Variants in PLEKHD1 observed in about 807,000 individuals in gnomAD.
PLEKHD1 encodes the protein pleckstrin homology and coiled-coil domain containing D1, also known as pleckstrin homology domain-containing family D member 1.
In PLEKHD1, 51 loss-of-function variants were observed where a neutral mutation model predicts 69.2. The observed-to-expected ratio is 0.74, with a 90% confidence interval of 0.59 to 0.93. PLEKHD1 has a LOEUF of 0.93. Among genes scored for constraint, PLEKHD1 ranks in the 40% least tolerant of loss-of-function variants. The pLI is 0.00. For synonymous variants in PLEKHD1, 236 were observed against 244.7 expected (o/e 0.96, Z 0.33); for missense variants, 584 against 641.0 (o/e 0.91, Z 0.96).
At chr14:69,477,480 G>T in the PLEKHD1 span, among the ~76,000 whole-genome samples, 1 of 152,076 alleles carries the variant, frequency 6.6e-6, no homozygotes, top group Admixed American at 6.5e-5. Flanking sequence ...ACTCATTTCC[G>T]CATTAACTCA....
chr14:69,471,425 A>C, the PLEKHD1 span, among the ~76,000 whole-genome samples: 1 of 151,958 alleles, frequency 6.6e-6, no homozygotes, highest in Non-Finnish European at 1.5e-5. Flanking sequence ...CCCACTTTCA[A>C]ATGTGGAAAC....
chr14:69,493,650 A>G (rs1882824745), intron 1 of PLEKHD1, among the ~76,000 whole-genome samples: 1 of 152,202 alleles, frequency 6.6e-6, no homozygotes, highest in Non-Finnish European at 1.5e-5. Context: ...TCTGCCAGAA[A>G]CACCTTACCT....
the PLEKHD1 span, among the ~76,000 whole-genome samples, chr14:69,468,331 T>C: frequency 1.3e-5 from 2 of 152,226 alleles, no homozygotes; most frequent in South Asian, 4.1e-4. Context: ...TTTACCAGAC[T>C]GCATGTGGCA....
At chr14:69,504,804 T>G (rs1247720634) in intron 6 of PLEKHD1, among the ~76,000 whole-genome samples, 1 of 152,250 alleles carries the variant, frequency 6.6e-6, no homozygotes, top group Non-Finnish European at 1.5e-5. Flanking sequence ...TCACCAGAGT[T>G]GGTCCTCTGT....
rs539755673 is a variant in PLEKHD1 at position 69,502,847 on chromosome 14, G to A, written c.523G>A (p.Glu175Lys). 4.5e-6 allele frequency: 7 copies of A among 1,551,636 alleles called. No homozygotes were observed. The highest frequency in any genetic ancestry group is 2.4e-5 in the South Asian group (2 of 84,066). ...EYLDKLMEETEELCLQREQRE... is the reference protein window; with the variant it reads ...EYLDKLMEETKELCLQREQRE... ...GGCAGACAAACTGATGGAAGAGACC[G>A]AAGAACTCTGCCTTCAGAGGGAGCA... The change falls in exon 6 of 13, where the codon GAA (glutamate) becomes AAA (lysine). Residue 175 changes from glutamate (E) to lysine (K), a missense_variant. Glu to Lys is a moderately conservative substitution (Grantham distance 56, BLOSUM62 1). Coordinates refer to ENST00000322564, the MANE Select transcript of PLEKHD1 (RefSeq NM_001161498.2).
the PLEKHD1 span, among the ~76,000 whole-genome samples, chr14:69,475,945 G>C: frequency 6.6e-6 from 1 of 152,188 alleles, no homozygotes; most frequent in Admixed American, 6.5e-5. Flanking sequence ...CAACCAAGGG[G>C]AGGAGGAAGT....
chr14:69,469,266 A>G, the PLEKHD1 span, among the ~76,000 whole-genome samples: 2 of 152,140 alleles, frequency 1.3e-5, no homozygotes, highest in Admixed American at 6.5e-5. Context: ...AAAGATCATT[A>G]TTTTTGGCAG....
rs766582652 is a variant in PLEKHD1, at chr14:69,485,148, G to A, written c.149+34G>A. ...GCCCCCGCGCCCCAAGGAGACCGCC[G>A]GGGAGAGAGCCTGGGCGTCGTTACC... On this transcript the variant is annotated intron_variant, in intron 1 of 12. Transcript: ENST00000322564. 5.2e-6 allele frequency: 8 copies of A among 1,538,034 alleles called. No homozygotes were observed. The Admixed American group carries it at 1.4e-4, about 27-fold the overall frequency.
chr14:69,525,835 A>G (rs1185863471), intron 8 of PLEKHD1, 109 bp from the exon 9 acceptor site: 7 of 1,035,602 alleles, frequency 6.8e-6, no homozygotes, highest in Non-Finnish European at 9.7e-6. Context: ...GCGGCCATAG[A>G]GGACTGAGAG....
chr14:69,530,076 A>G lies in PLEKHD1; in HGVS notation c.*1657A>G, dbSNP rs2139538854. 6.6e-6 allele frequency: 1 copy of G among 152,406 alleles called. No individual in the cohort carries two copies. The highest frequency in any genetic ancestry group is 2.1e-4 in the South Asian group (1 of 4,832). The allele number at this position is 152,406 out of a possible 1,614,324, so 9.4% of individuals were successfully genotyped here. ...GGAAAACCAAGAAGTTCTGAGAGAT[A>G]AACAGATGGCTTCGGGGCAAGTCCC... On this transcript the variant is annotated 3_prime_UTR_variant, in exon 13 of 13. Transcript: ENST00000322564.
intron 12 of PLEKHD1, 45 bp downstream of exon 12, chr14:69,527,977 A>G: frequency 6.5e-7 from 1 of 1,549,834 alleles, no homozygotes; most frequent in Non-Finnish European, 8.7e-7. Context: ...GTGACAAGGC[A>G]GGAAGAGGGC....
At chr14:69,506,077 G>A (rs1224688782) in intron 6 of PLEKHD1, among the ~76,000 whole-genome samples, 1 of 152,156 alleles carries the variant, frequency 6.6e-6, no homozygotes, top group African/African-American at 2.4e-5. Flanking sequence ...CAGACTCTTT[G>A]AGTTGGAAAA....
intron 1 of PLEKHD1, among the ~76,000 whole-genome samples, chr14:69,494,177 G>T (rs909496477): frequency 6.6e-6 from 1 of 151,410 alleles, no homozygotes; most frequent in Non-Finnish European, 1.5e-5. Flanking sequence ...TAAGTCTTTA[G>T]GGGAACATTA....
intron 6 of PLEKHD1, among the ~76,000 whole-genome samples, chr14:69,513,250 A>G (rs1239442316): frequency 2.2e-5 from 3 of 133,396 alleles, no homozygotes; most frequent in African/African-American, 9.3e-5. Flanking sequence ...AAAATAATAA[A>G]ATAAAATAAA....
At chr14:69,511,585 T>C (rs1883273303) in intron 6 of PLEKHD1, among the ~76,000 whole-genome samples, 1 of 152,192 alleles carries the variant, frequency 6.6e-6, no homozygotes, top group African/African-American at 2.4e-5. Flanking sequence ...AGTCTTGCTC[T>C]GTCACCCAGG....
chr14:69,508,966 T>C (rs1294990409), intron 6 of PLEKHD1, among the ~76,000 whole-genome samples: 1 of 152,128 alleles, frequency 6.6e-6, no homozygotes, highest in Non-Finnish European at 1.5e-5. Context: ...TGATAAACAG[T>C]TTGCTGTTTG....
At chr14:69,472,395 C>T in the PLEKHD1 span, among the ~76,000 whole-genome samples, 619 of 152,282 alleles carry the variant, frequency 4.1e-3, 6 homozygotes, top group African/African-American at 0.014. Context: ...GCAATGTCTC[C>T]TTCCATTAGG....
rs1882618818 is a variant in PLEKHD1, at chr14:69,484,899, TC to T, written c.-66del. ...TCTCCGACGGCTCCGCCCTCGCCTC[TC>T]GCCCCGAGTCCCTGCTGACCCCGGG... On this transcript the variant is annotated 5_prime_UTR_variant, in exon 1 of 13. The change creates a premature stop within an existing upstream ORF in the 5' untranslated region. Transcript: ENST00000322564. 4.6e-6 allele frequency: 7 copies of T among 1,515,560 alleles called. No individual in the cohort carries two copies. Among genetic ancestry groups the T allele is most frequent in the Non-Finnish European group, 6.2e-6 (7 of 1,124,444 alleles). 93.9% of individuals were successfully genotyped at this position (1,515,560 alleles called of 1,614,324 possible).
At chr14:69,471,402 CGCCTG>C in the PLEKHD1 span, among the ~76,000 whole-genome samples, 1 of 152,144 alleles carries the variant, frequency 6.6e-6, no homozygotes, top group East Asian at 1.9e-4. Context: ...TGAGCCACCA[CGCCTG>C]GCTCATCCCC....
Sources: allele counts gnomAD v4.1 joint callset (sites outside exome capture counted in the v4.1 genomes callset), GRCh38; gene constraint gnomAD v4.1.1; transcripts MANE v1.5; gene names NCBI Gene and HGNC (gene_info 2026-07-23, HGNC 2026-07-21).